SMARCB1: variants seen among roughly 807,000 people sequenced by gnomAD.
The protein encoded by SMARCB1 is SWI/SNF related BAF chromatin remodeling complex subunit B1.
A neutral mutation model predicts 49.0 loss-of-function variants in SMARCB1; 5 were observed. The ratio of observed to expected loss-of-function variants is 0.10; its 90% CI spans 0.05 to 0.21. The LOEUF (loss-of-function observed/expected upper bound fraction) is 0.21. Among genes scored for constraint, SMARCB1 ranks in the 10% least tolerant of loss-of-function variants. The probability of loss-of-function intolerance (pLI) is 1.00; values close to 1 mark genes in which losing one functional copy is unlikely to be tolerated. For synonymous variants in SMARCB1, 201 were observed against 200.1 expected (o/e 1.00, Z -0.04); for missense variants, 226 against 509.2 (o/e 0.44, Z 5.35).
At chr22:23,830,471 T>C (rs941935436) in intron 7 of SMARCB1, among the ~76,000 whole-genome samples, 1 of 152,164 alleles carries the variant, frequency 6.6e-6, no homozygotes, top group African/African-American at 2.4e-5. Context: ...AGTTTCTTAA[T>C]TGGGTTTTAT....
chr22:23,824,975 C>T, intron 6 of SMARCB1: 3 of 573,740 alleles, frequency 5.2e-6, no homozygotes, highest in South Asian at 4.0e-5. Flanking sequence ...ACTCAGGTGC[C>T]CCCGGGGTCA....
At chr22:23,811,627 A>G (rs1007638605) in intron 5 of SMARCB1, among the ~76,000 whole-genome samples, 8 of 152,246 alleles carry the variant, frequency 5.3e-5, no homozygotes, top group Non-Finnish European at 1.2e-4. Flanking sequence ...TCTGTAGGGA[A>G]ATTTAAAAAC....
intron 5 of SMARCB1, among the ~76,000 whole-genome samples, chr22:23,809,651 T>G (rs1929742783): frequency 6.6e-6 from 1 of 151,548 alleles, no homozygotes; most frequent in Non-Finnish European, 1.5e-5. Flanking sequence ...GACCTCGTGT[T>G]CCGCCCGCCT....
chr22:23,807,833 C>T (rs1226393951), intron 5 of SMARCB1, among the ~76,000 whole-genome samples: 1 of 140,062 alleles, frequency 7.1e-6, no homozygotes, highest in Non-Finnish European at 1.5e-5. Flanking sequence ...CTTGCTCTGT[C>T]GCCCAGGCTG....
At chr22:23,805,183 GGGTGCTTGTCCCGTA>G (rs1929419566) in intron 5 of SMARCB1, among the ~76,000 whole-genome samples, 1 of 152,182 alleles carries the variant, frequency 6.6e-6, no homozygotes, top group Non-Finnish European at 1.5e-5. Context: ...GCCATGTGCC[GGGTGCTTGTCCCGTA>G]GGTCCCACAG....
At chr22:23,802,641 C>A in intron 4 of SMARCB1, 1 of 166,734 alleles carries the variant, frequency 6.0e-6, no homozygotes, top group Admixed American at 5.5e-5. Flanking sequence ...GGGCCTTTCG[C>A]AGCCCTCTCC....
intron 1 of SMARCB1, among the ~76,000 whole-genome samples, chr22:23,791,354 G>T (rs1323045719): frequency 2.0e-5 from 3 of 152,318 alleles, no homozygotes; most frequent in Admixed American, 2.0e-4. Flanking sequence ...AAAATTAAAA[G>T]ACCTTTTTGG....
Position 23,834,950 on chromosome 22 carries a change from C to T in SMARCB1, c.*770C>T, listed in dbSNP as rs1159339952. ...GAAGTCCCCTGCGGAGGGCCCAGTC[C>T]TGTGTGGGCACTGCTGGGCTGTCGC... On this transcript the variant is annotated 3_prime_UTR_variant, in exon 9 of 9. Transcript: ENST00000644036. 3 of 1,591,752 alleles carry T rather than the reference C, an allele frequency of 1.9e-6. No homozygotes were observed. Among genetic ancestry groups the T allele is most frequent in the East Asian group, 4.5e-5 (2 of 44,442 alleles).
intron 6 of SMARCB1, chr22:23,824,551 A>AT: frequency 1.4e-4 from 21 of 153,976 alleles, no homozygotes; most frequent in Admixed American, 5.7e-4. Flanking sequence ...CCCCTGGGGT[A>AT]CAGTCTGTGT....
chr22:23,787,058 T>C lies in SMARCB1; in HGVS notation c.-112T>C, dbSNP rs1928026478. On this transcript the variant is annotated 5_prime_UTR_variant, in exon 1 of 9. Coordinates refer to ENST00000644036, the MANE Select transcript of SMARCB1 (RefSeq NM_003073.5). ...GCTGAGGCGCCAGTACCCGGCCCGG[T>C]CCGCATTTCGCCTTCCGGCTTCGGT... is the stretch of plus-strand genomic sequence containing the variant. The C allele has an allele frequency of 1.4e-6, 1 of 709,248 alleles. No homozygotes were observed. Among genetic ancestry groups the C allele is most frequent in the South Asian group, 1.5e-5 (1 of 64,540 alleles). The allele number at this position is 709,248 out of a possible 1,614,324, so 43.9% of individuals were successfully genotyped here.
chr22:23,821,181 A>G (rs1292661377), intron 6 of SMARCB1, among the ~76,000 whole-genome samples: 1 of 152,144 alleles, frequency 6.6e-6, no homozygotes, highest in Non-Finnish European at 1.5e-5. Context: ...GCAGGTTGAG[A>G]GACTGTCCCC....
At chr22:23,791,680 T>A in intron 1 of SMARCB1, 76 bp from the exon 2 acceptor site, 1 of 1,443,370 alleles carries the variant, frequency 6.9e-7, no homozygotes, top group Admixed American at 1.7e-5. Flanking sequence ...TGTTGCTTGA[T>A]GCAGTCTGCG....
At chr22:23,805,707 A>G (rs1489849893) in intron 5 of SMARCB1, among the ~76,000 whole-genome samples, 1 of 151,964 alleles carries the variant, frequency 6.6e-6, no homozygotes, top group Non-Finnish European at 1.5e-5. Flanking sequence ...ATTTCACCAT[A>G]TTGGTCAAGC....
intron 7 of SMARCB1, among the ~76,000 whole-genome samples, chr22:23,830,473 G>A (rs2030595126): frequency 6.6e-6 from 1 of 151,918 alleles, no homozygotes; most frequent in South Asian, 2.1e-4. Flanking sequence ...TTTCTTAATT[G>A]GGTTTTATTT....
At chr22:23,799,214 A>G (rs954308017) in intron 3 of SMARCB1, among the ~76,000 whole-genome samples, 9 of 152,020 alleles carry the variant, frequency 5.9e-5, no homozygotes, top group African/African-American at 9.7e-5. Flanking sequence ...ACAGAGCACA[A>G]CGGGCACCCA....
chr22:23,801,775 A>G (rs978671383), intron 4 of SMARCB1: 8 of 210,122 alleles, frequency 3.8e-5, no homozygotes, highest in Admixed American at 1.1e-4. Flanking sequence ...CGTATCTTCA[A>G]AGTCTCCTTT....
At chr22:23,825,146 A>T in intron 6 of SMARCB1, 79 bp from the exon 7 acceptor site, 1 of 1,239,576 alleles carries the variant, frequency 8.1e-7, no homozygotes, top group Non-Finnish European at 1.2e-6. Context: ...GGCCCACCCC[A>T]GGCCTGGCAG....
At chr22:23,817,375 G>C (rs930878479) in intron 6 of SMARCB1, 2 of 281,254 alleles carry the variant, frequency 7.1e-6, no homozygotes, top group East Asian at 8.1e-5. Context: ...TGAGGCTGGC[G>C]ATTGGGCGCA....
intron 5 of SMARCB1, among the ~76,000 whole-genome samples, chr22:23,812,739 A>T (rs764563244): frequency 6.6e-6 from 1 of 152,208 alleles, no homozygotes; most frequent in Non-Finnish European, 1.5e-5. Context: ...GGATCAGATC[A>T]GTTGATACAG....
Sources: allele counts gnomAD v4.1 joint callset (sites outside exome capture counted in the v4.1 genomes callset), GRCh38; gene constraint gnomAD v4.1.1; transcripts MANE v1.5; gene names NCBI Gene and HGNC (gene_info 2026-07-23, HGNC 2026-07-21).